CHST8: variants seen among roughly 807,000 people sequenced by gnomAD.
CHST8 encodes the protein carbohydrate sulfotransferase 8.
CHST8 carries 10 observed loss-of-function variants against 15.0 expected under a neutral mutation model. That is an observed-to-expected ratio of 0.67 (90% CI 0.41 to 1.13). The LOEUF is 1.13. Ranked by LOEUF, CHST8 falls within the 50% of genes most tolerant of loss-of-function variation. The pLI is 0.00. For synonymous variants in CHST8, 259 were observed against 256.6 expected (o/e 1.01, Z -0.09); for missense variants, 634 against 608.2 (o/e 1.04, Z -0.45).
At chr19:33,657,138 C>A (rs1972518251) in intron 1 of CHST8, among the ~76,000 whole-genome samples, 1 of 149,250 alleles carries the variant, frequency 6.7e-6, no homozygotes, top group Non-Finnish European at 1.5e-5. Context: ...CACACACACA[C>A]ACACACACAC....
At chr19:33,645,112 G>A (rs112854107) in intron 1 of CHST8, among the ~76,000 whole-genome samples, 14 of 152,210 alleles carry the variant, frequency 9.2e-5, no homozygotes, top group Middle Eastern at 3.4e-3. Context: ...CCAAATGTCC[G>A]TAGTGTGGAG....
chr19:33,634,197 C>T (rs1333237003), intron 1 of CHST8, among the ~76,000 whole-genome samples: 2 of 152,134 alleles, frequency 1.3e-5, no homozygotes, highest in African/African-American at 4.8e-5. Context: ...GTGTTCCGTA[C>T]GTAACTCTCC....
At chr19:33,681,075 G>C (rs925279523) in intron 2 of CHST8, among the ~76,000 whole-genome samples, 1 of 152,128 alleles carries the variant, frequency 6.6e-6, no homozygotes, top group South Asian at 2.1e-4. Flanking sequence ...TCCCCACAAG[G>C]ATCCTCGTGT....
intron 3 of CHST8, 54 bp downstream of exon 3, chr19:33,689,445 G>T: frequency 6.7e-7 from 1 of 1,497,854 alleles, no homozygotes. Flanking sequence ...CCAGCCTGAA[G>T]CTCAGGCCTC....
chr19:33,746,666 A>G (rs1974318177), intron 3 of CHST8, among the ~76,000 whole-genome samples: 1 of 152,220 alleles, frequency 6.6e-6, no homozygotes, highest in Admixed American at 6.5e-5. Flanking sequence ...CTTTAGTGAC[A>G]TTCAGGCAGG....
At chr19:33,651,538 A>G (rs1972448370) in intron 1 of CHST8, among the ~76,000 whole-genome samples, 1 of 152,148 alleles carries the variant, frequency 6.6e-6, no homozygotes, top group Admixed American at 6.5e-5. Context: ...CCATTCTGTA[A>G]TGCATTTCTG....
At chr19:33,763,265 G>A (rs1302443061) in intron 3 of CHST8, among the ~76,000 whole-genome samples, 3 of 152,186 alleles carry the variant, frequency 2.0e-5, no homozygotes, top group Non-Finnish European at 4.4e-5. Context: ...GTAAGCCTTT[G>A]CTCTGGTCTG....
intron 1 of CHST8, among the ~76,000 whole-genome samples, chr19:33,633,791 G>GTGTC (rs1029626443): frequency 3.3e-5 from 5 of 150,976 alleles, no homozygotes; most frequent in African/African-American, 1.2e-4. Flanking sequence ...GTGTGTGTGT[G>GTGTC]TGTGTGTGTG....
At chr19:33,766,289 GTC>G (rs1568363048) in intron 3 of CHST8, among the ~76,000 whole-genome samples, 1 of 151,500 alleles carries the variant, frequency 6.6e-6, no homozygotes, top group African/African-American at 2.4e-5. Context: ...TGGGCTCTCT[GTC>G]TCTCTGATAA....
intron 1 of CHST8, among the ~76,000 whole-genome samples, chr19:33,659,552 A>C (rs2145219956): frequency 6.6e-6 from 1 of 152,322 alleles, no homozygotes; most frequent in South Asian, 2.1e-4. Context: ...AAAAGTGTTC[A>C]GGCCAGGCAC....
chr19:33,727,698 T>C (rs958654547), intron 3 of CHST8, among the ~76,000 whole-genome samples: 1 of 152,236 alleles, frequency 6.6e-6, no homozygotes, highest in Non-Finnish European at 1.5e-5. Flanking sequence ...TTTGCGGTTT[T>C]GCTGCGTTAG....
At chr19:33,703,619 G>A (rs768404081) in intron 3 of CHST8, among the ~76,000 whole-genome samples, 111 of 152,206 alleles carry the variant, frequency 7.3e-4, no homozygotes, top group Non-Finnish European at 1.4e-3. Flanking sequence ...GGGTTATCCC[G>A]CTCTTGCATT....
At chr19:33,637,510 C>T (rs537113351) in intron 1 of CHST8, among the ~76,000 whole-genome samples, 1 of 151,158 alleles carries the variant, frequency 6.6e-6, no homozygotes, top group East Asian at 2.0e-4. Context: ...TCACGCCATT[C>T]TCCTGCCTCA....
At chr19:33,724,540 G>A (rs577451475) in intron 3 of CHST8, among the ~76,000 whole-genome samples, 73 of 152,322 alleles carry the variant, frequency 4.8e-4, no homozygotes, top group African/African-American at 1.5e-3. Context: ...TAAAATGTGC[G>A]TCTGCAGCCT....
In CHST8 at chr19:33,743,658, T is replaced by C. The variant is rs1417628223; in HGVS notation, c.131-27755T>C. Among the ~76,000 whole-genome samples, 5 of 152,274 alleles carry C rather than the reference T, an allele frequency of 3.3e-5. No individual in the cohort carries two copies. In the East Asian group the frequency reaches 7.7e-4, roughly 24 times the overall value. On this transcript the variant is annotated intron_variant, in intron 3 of 4. Transcript: ENST00000650847. The stretch of plus-strand genomic sequence containing the variant: ...GAGTGTGGGCATTGCTTTCTGCACG[T>C]ATCTGAGAGCCATCTAGCAGCATGT...
At chr19:33,624,706 C>T (rs959297615) in intron 1 of CHST8, among the ~76,000 whole-genome samples, 1 of 152,202 alleles carries the variant, frequency 6.6e-6, no homozygotes, top group South Asian at 2.1e-4. Flanking sequence ...GCAGGCTGCT[C>T]CCCTGCTCTG....
chr19:33,690,807 C>A (rs1290252999), intron 3 of CHST8, among the ~76,000 whole-genome samples: 1 of 152,232 alleles, frequency 6.6e-6, no homozygotes, highest in African/African-American at 2.4e-5. Flanking sequence ...AGAACAGGGC[C>A]CCTCGGGACA....
chr19:33,673,224 G>A (rs749980143), intron 2 of CHST8, among the ~76,000 whole-genome samples: 59 of 152,314 alleles, frequency 3.9e-4, no homozygotes, highest in Non-Finnish European at 2.9e-4. Flanking sequence ...TGCCTCTGGT[G>A]AGCATGACTC....
intron 1 of CHST8, among the ~76,000 whole-genome samples, chr19:33,628,409 C>T (rs1444022207): frequency 6.6e-6 from 1 of 152,190 alleles, no homozygotes; most frequent in Non-Finnish European, 1.5e-5. Context: ...GCTGGAGCTG[C>T]AGGAATCTTG....
Sources: allele counts gnomAD v4.1 joint callset (sites outside exome capture counted in the v4.1 genomes callset), GRCh38; gene constraint gnomAD v4.1.1; transcripts MANE v1.5; gene names NCBI Gene and HGNC (gene_info 2026-07-23, HGNC 2026-07-21).